Variants in PCDHGA10 observed in about 807,000 individuals in gnomAD.
The protein encoded by PCDHGA10 is protocadherin gamma subfamily A, 10.
Under a neutral mutation model 59.5 loss-of-function variants are expected in PCDHGA10, and 42 were observed. The ratio of observed to expected loss-of-function variants is 0.71; its 90% CI spans 0.55 to 0.91. The LOEUF (loss-of-function observed/expected upper bound fraction) is 0.91. Ranked by LOEUF, PCDHGA10 falls within the 40% of genes least tolerant of loss-of-function variation. The probability of loss-of-function intolerance (pLI) is 0.00; values close to 1 mark genes in which losing one functional copy is unlikely to be tolerated. For synonymous variants in PCDHGA10, 511 were observed against 517.2 expected, an observed-to-expected ratio of 0.99 and a Z score of 0.16; for missense variants, 1,111 against 1,198.2, an observed-to-expected ratio of 0.93 and a Z score of 1.07.
chr5:141,423,972 T>A (rs1459859824), intron 1 of PCDHGA10: 2 of 1,128,544 alleles, frequency 1.8e-6, no homozygotes, highest in African/African-American at 3.3e-5. Flanking sequence ...CTATTATCAG[T>A]GTATGAGGCT....
intron 1 of PCDHGA10, chr5:141,421,623 C>T: frequency 6.2e-7 from 1 of 1,613,810 alleles, no homozygotes. Flanking sequence ...ATAACGCCCC[C>T]AGCTTCCAGG....
In PCDHGA10 at chr5:141,487,801, A is replaced by G. The variant is rs895741843; in HGVS notation, c.2437-7006A>G. The G allele has an allele frequency of 1.0e-5, 15 of 1,479,820 alleles. No individual in the cohort carries two copies. The highest frequency in any genetic ancestry group is 2.7e-6 in the Non-Finnish European group (3 of 1,095,672). The allele number at this position is 1,479,820 out of a possible 1,614,324, so 91.7% of individuals were successfully genotyped here. On this transcript the variant is annotated intron_variant, in intron 1 of 3. Coordinates refer to ENST00000398610, the MANE Select transcript of PCDHGA10 (RefSeq NM_018913.3). The surrounding 1 kb of genome is among the most constrained non-coding windows in gnomAD (Gnocchi z 5.0). ...GTTTCGTGAATTAACCAGAGTTGTC[A>G]CAGTTTAGCATTGGGGGCGGGTCAT... is the stretch of plus-strand genomic sequence containing the variant.
Position 141,493,806 on chromosome 5 carries a change from T to C in PCDHGA10, c.2437-1001T>C, listed in dbSNP as rs1339302166. On this transcript the variant is annotated intron_variant, in intron 1 of 3. Coordinates refer to ENST00000398610, the MANE Select transcript of PCDHGA10 (RefSeq NM_018913.3). This position sits in a 1 kb window ranked among gnomAD's most constrained non-coding sequence, Gnocchi z 4.3. ...TCCTTCTCCCTGGAGTAATCTGAGA[T>C]ACTCACACTCTCTGCTTCTGGGAGC... is the stretch of plus-strand genomic sequence containing the variant. Among the ~76,000 whole-genome samples, 1 of 152,162 alleles carries C rather than the reference T, an allele frequency of 6.6e-6. No homozygotes were observed. The highest frequency in any genetic ancestry group is 1.5e-5 in the Non-Finnish European group (1 of 68,038).
At chr5:141,478,189 C>T (rs774322691) in intron 1 of PCDHGA10, 1 of 1,614,020 alleles carries the variant, frequency 6.2e-7, no homozygotes, top group South Asian at 1.1e-5. Context: ...AAAATCTCAC[C>T]TTTTATCTAC....
At chr5:141,429,169 T>TACATACACACACACACAC (rs369570830) in intron 1 of PCDHGA10, 115 of 145,474 alleles carry the variant, frequency 7.9e-4, no homozygotes, top group African/African-American at 2.1e-3. Flanking sequence ...ACATTGTTTA[T>TACATACACACACACACAC]ACACACACAC....
intron 1 of PCDHGA10, among the ~76,000 whole-genome samples, chr5:141,457,517 TTAA>T (rs1261688593): frequency 6.6e-6 from 1 of 152,196 alleles, no homozygotes; most frequent in Non-Finnish European, 1.5e-5. Flanking sequence ...TTAAAAACAA[TTAA>T]TGAGACTAGG....
intron 1 of PCDHGA10, among the ~76,000 whole-genome samples, chr5:141,462,897 G>A (rs2099049236): frequency 6.6e-6 from 1 of 152,130 alleles, no homozygotes; most frequent in South Asian, 2.1e-4. Context: ...TGTTTTGGAA[G>A]GCTATTATGT....
chr5:141,487,718 A>G lies in PCDHGA10; in HGVS notation c.2437-7089A>G. Reference sequence around the variant, plus strand: ...TACTGGCCTCTCAGTAAGTGCCCATAGTGATGTCACCATTTTTGTAAGAGG... The same window carrying G: ...TACTGGCCTCTCAGTAAGTGCCCATGGTGATGTCACCATTTTTGTAAGAGG... On this transcript the variant is annotated intron_variant, in intron 1 of 3. Coordinates refer to ENST00000398610, the MANE Select transcript of PCDHGA10 (RefSeq NM_018913.3). The surrounding 1 kb of genome is among the most constrained non-coding windows in gnomAD (Gnocchi z 5.0). The G allele has an allele frequency of 1.3e-6, 2 of 1,580,268 alleles. No individual in the cohort carries two copies. The highest frequency in any genetic ancestry group is 1.7e-6 in the Non-Finnish European group (2 of 1,161,186).
intron 1 of PCDHGA10, among the ~76,000 whole-genome samples, chr5:141,425,165 A>G (rs1391395593): frequency 6.6e-6 from 1 of 152,140 alleles, no homozygotes; most frequent in Non-Finnish European, 1.5e-5. Flanking sequence ...TAGGGATAGG[A>G]TTTATACTTG....
At chr5:141,429,169 T>TACACACACACACACACAC (rs10667977) in intron 1 of PCDHGA10, 2 of 145,394 alleles carry the variant, frequency 1.4e-5, no homozygotes, top group African/African-American at 5.1e-5. Flanking sequence ...ACATTGTTTA[T>TACACACACACACACACAC]ACACACACAC....
intron 1 of PCDHGA10, among the ~76,000 whole-genome samples, chr5:141,454,170 G>A (rs2098782662): frequency 6.6e-6 from 1 of 152,162 alleles, no homozygotes; most frequent in Admixed American, 6.5e-5. Context: ...TCTCTAGAAG[G>A]GCAGCTAAAG....
intron 1 of PCDHGA10, among the ~76,000 whole-genome samples, chr5:141,457,665 G>A (rs2098927092): frequency 6.6e-6 from 1 of 152,330 alleles, no homozygotes; most frequent in Non-Finnish European, 1.5e-5. Flanking sequence ...AGCAAGAATG[G>A]TTATTTCTAC....
intron 1 of PCDHGA10, chr5:141,441,910 G>A: frequency 2.9e-6 from 1 of 349,440 alleles, no homozygotes; most frequent in Non-Finnish European, 5.5e-6. Flanking sequence ...AGACGCAGAT[G>A]TGAGACACAA....
chr5:141,450,490 T>C (rs1480357834), intron 1 of PCDHGA10, among the ~76,000 whole-genome samples: 1 of 152,164 alleles, frequency 6.6e-6, no homozygotes, highest in Non-Finnish European at 1.5e-5. Context: ...TTTGTTTGTC[T>C]GTTTGTTTGT....
At chr5:141,423,632 T>G in intron 1 of PCDHGA10, 1 of 1,602,602 alleles carries the variant, frequency 6.2e-7, no homozygotes, top group Non-Finnish European at 8.5e-7. Flanking sequence ...GCTATCATTT[T>G]AGGCAAATGT....
At chr5:141,481,844 G>A (rs552753850) in intron 1 of PCDHGA10, among the ~76,000 whole-genome samples, 7 of 151,350 alleles carry the variant, frequency 4.6e-5, no homozygotes, top group Admixed American at 1.3e-4. Context: ...TCGCTTGATG[G>A]TGGAGGTTGC....
intron 3 of PCDHGA10, among the ~76,000 whole-genome samples, chr5:141,509,164 C>A (rs1454864362): frequency 6.6e-6 from 1 of 152,188 alleles, no homozygotes; most frequent in Non-Finnish European, 1.5e-5. Context: ...TCCCGTGTGC[C>A]CTCCTCCTCT....
rs200512171 is a variant in PCDHGA10, at chr5:141,418,143, T to C, written c.2436+2532T>C. ...AAGGACCGAATAGACCGTGAGCAAA[T>C]ATGCAAAGAGAGAAGAAGATGTGAG... On this transcript the variant is annotated intron_variant, in intron 1 of 3. Transcript: ENST00000398610. 2.6e-4 allele frequency: 419 copies of C among 1,613,982 alleles called. 1 individual carries two copies. In the African/African-American group the frequency reaches 5.2e-3, roughly 20 times the overall value.
intron 1 of PCDHGA10, chr5:141,417,728 T>A: frequency 7.3e-7 from 1 of 1,373,610 alleles, no homozygotes; most frequent in Non-Finnish European, 9.6e-7. Flanking sequence ...GCGCAGACCT[T>A]GCCCAGCACA....
Sources: gnomAD v4.1 joint callset for allele counts (sites outside exome capture counted in the v4.1 genomes callset) on GRCh38, gnomAD v4.1.1 for gene constraint, Gnocchi (gnomAD v3.1) non-coding constraint, MANE v1.5 for transcripts, NCBI Gene and HGNC (gene_info 2026-07-23, HGNC 2026-07-21) for gene names.